TACC2: variants seen among roughly 807,000 people sequenced by gnomAD.
TACC2 encodes transforming acidic coiled-coil containing protein 2.
In TACC2, 137 loss-of-function variants were observed where a neutral mutation model predicts 227.3. The ratio of observed to expected loss-of-function variants is 0.60; its 90% confidence interval spans 0.52 to 0.69. The LOEUF (loss-of-function observed/expected upper bound fraction) is 0.69. Among genes scored for constraint, TACC2 ranks in the 30% least tolerant of loss-of-function variants. The pLI is 0.00. For missense variants in TACC2, 3,470 were observed against 3,694.4 expected (o/e 0.94, Z 1.57); for synonymous variants, 1,523 against 1,487.5 (o/e 1.02, Z -0.55).
At chr10:122,072,476 C>T (rs1334088211) in intron 3 of TACC2, among the ~76,000 whole-genome samples, 1 of 152,148 alleles carries the variant, frequency 6.6e-6, no homozygotes, top group East Asian at 1.9e-4. Context: ...AAGTTAGGAC[C>T]ATGTGTGTGG....
intron 2 of TACC2, chr10:122,023,753 C>T (rs1957621753): frequency 1.3e-5 from 2 of 150,380 alleles, no homozygotes; most frequent in South Asian, 4.2e-4. Flanking sequence ...TGTAACAAAC[C>T]TGCACGTTGT....
At position 122,211,010 on chromosome 10, in the gene TACC2, C is replaced by T. The variant is rs151005188; in HGVS notation, c.6585C>T (p.Pro2195=). The change falls in exon 9 of 23, where the codon CCC becomes CCT. Residue 2195 remains proline (P), a synonymous_variant. Coordinates refer to ENST00000369005, the MANE Select transcript of TACC2 (RefSeq NM_206862.4). ...TATTGGAGGAGACGCCCCTTGAGCC[C>T]GCTGTGGGGCCCAAAGCTGCCTGCC... ...PALLEETPLE[P]AVGPKAACPL... 58 of 1,611,992 alleles carry T rather than the reference C, an allele frequency of 3.6e-5. 1 individual carries two copies. The highest frequency in any genetic ancestry group is 2.9e-4 in the East Asian group (13 of 44,874).
At chr10:122,201,108 A>G (rs2094816594) in intron 8 of TACC2, among the ~76,000 whole-genome samples, 1 of 146,366 alleles carries the variant, frequency 6.8e-6, no homozygotes, top group East Asian at 2.0e-4. Flanking sequence ...CCACATCTAC[A>G]GTGAGAGGAC....
Position 122,230,351 on chromosome 10 carries a change from G to A in TACC2, c.8038G>A (p.Glu2680Lys). The change falls in exon 16 of 23, where the codon GAG becomes AAG. Residue 2680 changes from glutamate to lysine, a missense_variant and splice_region_variant. By Grantham distance (56) the Glu-to-Lys change is moderately conservative. This residue lies in a region of TACC2 where 345 missense variants were observed against 354.4 expected (regional missense o/e 0.97). Transcript: ENST00000369005. ...NPPLFAQKLQ[E>K]ELEFAIMRIE... ...GTTTGCCCACACTCCCTGTGGGCAG[G>A]AGGAGTTAGAGTTTGCCATCATGCG... 6.2e-7 allele frequency: 1 copy of A among 1,614,026 alleles called. No homozygotes were observed. Among genetic ancestry groups the A allele is most frequent in the Non-Finnish European group, 8.5e-7 (1 of 1,179,882 alleles).
At chr10:122,004,006 G>A (rs974971560) in intron 1 of TACC2, among the ~76,000 whole-genome samples, 6 of 151,966 alleles carry the variant, frequency 3.9e-5, no homozygotes, top group Admixed American at 3.9e-4. Context: ...GGTGGCTTAC[G>A]CCTGTAATCC....
chr10:122,044,835 A>G (rs1332710198), intron 2 of TACC2, among the ~76,000 whole-genome samples: 1 of 152,042 alleles, frequency 6.6e-6, no homozygotes, highest in Non-Finnish European at 1.5e-5. Context: ...TTGTTTACTC[A>G]AGCAATGGCA....
chr10:122,086,010 G>T lies in TACC2; in HGVS notation c.3510G>T (p.Glu1170Asp), dbSNP rs574013647. 44 of 1,613,818 alleles carry T rather than the reference G, an allele frequency of 2.7e-5. 2 individuals carry two copies. The Admixed American group carries it at 7.2e-4, about 26-fold the overall frequency. The change falls in exon 4 of 23, where the codon GAG (glutamate) becomes GAT (aspartate). Residue 1170 changes from glutamate to aspartate, a missense_variant. Physicochemically the swap from Glu to Asp is conservative, Grantham distance 45. Coordinates refer to ENST00000369005, the MANE Select transcript of TACC2 (RefSeq NM_206862.4). ...CTGAGCACTGCCTTACCTCCGGGGA[G>T]GAAGCTTCTACCTCTGCCCTACGTG... ...LQTEHCLTSG[E>D]EASTSALRES...
intron 7 of TACC2, among the ~76,000 whole-genome samples, chr10:122,171,407 G>A (rs1264391737): frequency 6.6e-6 from 1 of 152,198 alleles, no homozygotes; most frequent in Non-Finnish European, 1.5e-5. Context: ...CTACTGACAG[G>A]CAGTCACAGT....
At chr10:122,049,240 G>A (rs2075397009) in intron 2 of TACC2, among the ~76,000 whole-genome samples, 1 of 152,210 alleles carries the variant, frequency 6.6e-6, no homozygotes, top group Non-Finnish European at 1.5e-5. Flanking sequence ...TGAGGCCTTG[G>A]CCCCAGCAGG....
At chr10:121,999,218 A>C (rs1397697688) in intron 1 of TACC2, among the ~76,000 whole-genome samples, 2 of 152,154 alleles carry the variant, frequency 1.3e-5, no homozygotes, top group Non-Finnish European at 2.9e-5. Flanking sequence ...CGTTTTGGCC[A>C]GGATGGTCTC....
chr10:122,023,341 C>T (rs1440615009), intron 2 of TACC2: 3 of 152,108 alleles, frequency 2.0e-5, no homozygotes, highest in African/African-American at 7.2e-5. Flanking sequence ...CTACAATTTT[C>T]TTTTCTCAAG....
At chr10:122,231,280 G>A (rs1042064200) in intron 16 of TACC2, among the ~76,000 whole-genome samples, 10 of 152,230 alleles carry the variant, frequency 6.6e-5, no homozygotes, top group Admixed American at 2.6e-4. Flanking sequence ...GGTCTCTGAG[G>A]GCGGCCTCGT....
intron 2 of TACC2, among the ~76,000 whole-genome samples, chr10:122,033,729 T>A (rs941529658): frequency 3.3e-5 from 5 of 152,114 alleles, no homozygotes; most frequent in African/African-American, 1.2e-4. Context: ...GGAGAGGACG[T>A]TGAGGTTAGT....
chr10:122,224,281 C>G (rs1312692546), intron 11 of TACC2, among the ~76,000 whole-genome samples: 1 of 152,170 alleles, frequency 6.6e-6, no homozygotes, highest in Non-Finnish European at 1.5e-5. Context: ...GTGGCCAGAG[C>G]TGAATACCCA....
chr10:122,046,743 A>G (rs1028693062), intron 2 of TACC2, among the ~76,000 whole-genome samples: 7 of 152,132 alleles, frequency 4.6e-5, no homozygotes, highest in Non-Finnish European at 8.8e-5. Context: ...AATCTTGCTC[A>G]TGGAATACTG....
At chr10:122,070,549 T>C (rs1378763112) in intron 3 of TACC2, among the ~76,000 whole-genome samples, 1 of 151,548 alleles carries the variant, frequency 6.6e-6, no homozygotes, top group Non-Finnish European at 1.5e-5. Context: ...AGGTCGGGAG[T>C]TGGAGACCAG....
intron 13 of TACC2, among the ~76,000 whole-genome samples, chr10:122,226,906 G>A (rs1194326114): frequency 6.6e-6 from 1 of 152,162 alleles, no homozygotes; most frequent in Non-Finnish European, 1.5e-5. Flanking sequence ...TGTCTAAAGG[G>A]GGACACTGTG....
In TACC2 at chr10:122,229,362, C is replaced by G; in HGVS notation, c.7913C>G (p.Ser2638Cys). 1 of 1,614,074 alleles carries G rather than the reference C, an allele frequency of 6.2e-7. No individual in the cohort carries two copies. Among genetic ancestry groups the G allele is most frequent in the Non-Finnish European group, 8.5e-7 (1 of 1,180,022 alleles). ...GGCTTTCAGACAGCTCCCGAGGGCT[C>G]CTTTGCCTCTGCTGACGCCCTCCTC... is the stretch of plus-strand genomic sequence containing the variant. ...EAIEITAPEG[S>C]FASADALLSR... The change falls in exon 15 of 23, where the codon TCC (serine) becomes TGC (cysteine). Residue 2638 changes from serine (S) to cysteine (C), a missense_variant. By Grantham distance (112) the Ser-to-Cys change is moderately radical. This residue lies in a region of TACC2 where 345 missense variants were observed against 354.4 expected (regional missense o/e 0.97). Coordinates refer to ENST00000369005, the MANE Select transcript of TACC2 (RefSeq NM_206862.4).
At chr10:122,003,290 CTTTAT>C in intron 1 of TACC2, among the ~76,000 whole-genome samples, 1 of 151,884 alleles carries the variant, frequency 6.6e-6, no homozygotes, top group Non-Finnish European at 1.5e-5. Flanking sequence ...CTGCCTTTAA[CTTTAT>C]TTTTTCTTCT....
Sources: gnomAD v4.1 joint callset for allele counts (sites outside exome capture counted in the v4.1 genomes callset) on GRCh38, gnomAD v4.1.1 for gene constraint, gnomAD v4.1.1 regional missense constraint, MANE v1.5 for transcripts, NCBI Gene and HGNC (gene_info 2026-07-23, HGNC 2026-07-21) for gene names.